The following TNFSF8 variants were observed in gnomAD, a reference collection of about 807,000 sequenced individuals.
TNFSF8 encodes tumor necrosis factor ligand superfamily member 8.
A neutral mutation model predicts 22.0 loss-of-function variants in TNFSF8; 4 were observed. The observed-to-expected ratio is 0.18, with a 90% CI of 0.09 to 0.42. The LOEUF (loss-of-function observed/expected upper bound fraction) is 0.42. Ranked by LOEUF, TNFSF8 falls within the 10% of genes least tolerant of loss-of-function variation. The pLI is 1.00. For synonymous variants in TNFSF8, 106 were observed against 112.5 expected (o/e 0.94, Z 0.37); for missense variants, 233 against 281.8 (o/e 0.83, Z 1.24).
chr9:114,897,181 A>G (rs1349920221), downstream of TNFSF8, among the ~76,000 whole-genome samples: 1 of 152,226 alleles, frequency 6.6e-6, no homozygotes, highest in Non-Finnish European at 1.5e-5. Flanking sequence ...CATTACAGGC[A>G]TAAGCCACTG....
At chr9:114,918,776 T>A (rs534654626) in intron 1 of TNFSF8, among the ~76,000 whole-genome samples, 13 of 152,282 alleles carry the variant, frequency 8.5e-5, no homozygotes, top group African/African-American at 3.1e-4. Context: ...AAGTTTTGTA[T>A]TTTTAGTAGA....
chr9:114,922,184 C>A (rs537851105), intron 1 of TNFSF8, among the ~76,000 whole-genome samples: 6 of 152,186 alleles, frequency 3.9e-5, no homozygotes, highest in Non-Finnish European at 7.3e-5. Flanking sequence ...TGCCTCAATA[C>A]CTTGAAAGGC....
chr9:114,927,558 A>T (rs7854103), intron 1 of TNFSF8, among the ~76,000 whole-genome samples: 1 of 152,070 alleles, frequency 6.6e-6, no homozygotes, highest in African/African-American at 2.4e-5. Flanking sequence ...ACTAATCCCC[A>T]GGAGTTTTTC....
rs60747505 is a variant in TNFSF8, at chr9:114,912,691, G to A, written c.238+5405C>T. On this transcript the variant is annotated intron_variant, in intron 2 of 3. Transcript: ENST00000223795. ...TTGACTGCTTCCAGTGTGGTGTTCCGCTAGGGCGGCTGTCATCTGATTGTG... is the reference window on the plus strand; with the variant it reads ...TTGACTGCTTCCAGTGTGGTGTTCCACTAGGGCGGCTGTCATCTGATTGTG... Among the ~76,000 whole-genome samples the A allele has an allele frequency of 3.0e-3, 463 of 152,306 alleles. 2 individuals are homozygous for A. Among genetic ancestry groups the A allele is most frequent in the African/African-American group, 0.011 (447 of 41,568 alleles).
In TNFSF8 at chr9:114,903,758, T is replaced by A. The variant is rs1827746739; in HGVS notation, c.*173A>T. On this transcript the variant is annotated 3_prime_UTR_variant, in exon 4 of 4. Coordinates refer to ENST00000223795, the MANE Select transcript of TNFSF8 (RefSeq NM_001244.4). Reference sequence around the variant, plus strand: ...ATCTGAAAGATACTTCACTAAAAACTCTCTTTTTAACCCTGGAGCTGTATC... The same window carrying A: ...ATCTGAAAGATACTTCACTAAAAACACTCTTTTTAACCCTGGAGCTGTATC... 1.5e-6 allele frequency: 2 copies of A among 1,373,026 alleles called. No homozygotes were observed. The highest frequency in any genetic ancestry group is 6.8e-5 in the Admixed American group (2 of 29,544). The allele number at this position is 1,373,026 out of a possible 1,614,324, so 85.1% of individuals were successfully genotyped here.
At chr9:114,915,324 G>A (rs916257942) in intron 2 of TNFSF8, among the ~76,000 whole-genome samples, 2 of 152,118 alleles carry the variant, frequency 1.3e-5, no homozygotes, top group Non-Finnish European at 1.5e-5. Flanking sequence ...CAAAGCTGGA[G>A]AGACTCCTCC....
chr9:114,930,331 C>A lies in TNFSF8; in HGVS notation c.-28G>T, dbSNP rs1411644986. The stretch of plus-strand genomic sequence containing the variant: ...TTTATATAGTCTTCCCCACATCACA[C>A]CTTATCTCTCTTCATCTGATTCAGT... On this transcript the variant is annotated 5_prime_UTR_variant, in exon 1 of 4. Coordinates refer to ENST00000223795, the MANE Select transcript of TNFSF8 (RefSeq NM_001244.4). 6.9e-7 allele frequency: 1 copy of A among 1,444,730 alleles called. No homozygotes were observed. Among genetic ancestry groups the A allele is most frequent in the Non-Finnish European group, 9.2e-7 (1 of 1,087,086 alleles). The allele number at this position is 1,444,730 out of a possible 1,614,324, so 89.5% of individuals were successfully genotyped here.
Position 114,901,828 on chromosome 9 carries a change from C to T in TNFSF8, c.*2103G>A, listed in dbSNP as rs1319999328. ...GAGGAGACCTAGGAGGAGGTTGACA[C>T]AGCACACTGCTCAGCAGATGACTTA... On this transcript the variant is annotated 3_prime_UTR_variant, in exon 4 of 4. Coordinates refer to ENST00000223795, the MANE Select transcript of TNFSF8 (RefSeq NM_001244.4). 8 of 955,218 alleles carry T rather than the reference C, an allele frequency of 8.4e-6. No individual in the cohort carries two copies. The Admixed American group carries it at 1.8e-4, about 22-fold the overall frequency. 59.2% of individuals were successfully genotyped at this position (955,218 alleles called of 1,614,324 possible). A position where few individuals can be genotyped will look rare whatever the true frequency, so the allele number is the denominator to read the frequency against.
rs3181368 is a variant in TNFSF8, at chr9:114,903,651, A to T, written c.*280T>A. The T allele has an allele frequency of 0.39, 418,803 of 1,074,592 alleles. 83,439 individuals are homozygous for T. Among genetic ancestry groups the T allele is most frequent in the Admixed American group, 0.45 (10,083 of 22,304 alleles). The allele number at this position is 1,074,592 out of a possible 1,614,324, so 66.6% of individuals were successfully genotyped here. The stretch of plus-strand genomic sequence containing the variant: ...AGATCAAGACCATACAGTGAATTAG[A>T]GGTTGGGCTGGGACATCCATTCATC... On this transcript the variant is annotated 3_prime_UTR_variant, in exon 4 of 4. Coordinates refer to ENST00000223795, the MANE Select transcript of TNFSF8 (RefSeq NM_001244.4).
At chr9:114,921,835 G>A (rs113864983) in intron 1 of TNFSF8, among the ~76,000 whole-genome samples, 28 of 152,328 alleles carry the variant, frequency 1.8e-4, no homozygotes, top group Admixed American at 1.0e-3. Context: ...CTTTGTCTCC[G>A]TGGTTATCAA....
In TNFSF8 at chr9:114,904,077, A is replaced by C. The variant is rs191722938; in HGVS notation, c.559T>G (p.Tyr187Asp). Reference protein sequence around the residue: ...CESGMQTKHVYQNLSQFLLDY... With the variant: ...CESGMQTKHVDQNLSQFLLDY... ...AGCAAGAATTGAGAGAGATTCTGGT[A>C]TACGTGTTTCGTTTGCATTCCAGAC... Residue 187 changes from tyrosine (Y) to aspartate (D), a missense_variant, in exon 4 of 4, where the codon TAC becomes GAC. Transcript: ENST00000223795. 274 of 1,614,178 alleles carry C rather than the reference A, an allele frequency of 1.7e-4. 1 individual carries two copies. Among genetic ancestry groups the C allele is most frequent in the Non-Finnish European group, 1.6e-4 (191 of 1,179,994 alleles).
Position 114,902,494 on chromosome 9 carries a change from G to C in TNFSF8, c.*1437C>G. The C allele has an allele frequency of 1.0e-6, 1 of 985,426 alleles. No individual in the cohort carries two copies. Among genetic ancestry groups the C allele is most frequent in the Non-Finnish European group, 1.2e-6 (1 of 829,926 alleles). 61.0% of individuals were successfully genotyped at this position (985,426 alleles called of 1,614,324 possible). Reference sequence around the variant, plus strand: ...GGAATAGAGTCAGGCCTCGTCAGATGGTTTCCCAAACACCCAGATGGTCTC... The same window carrying C: ...GGAATAGAGTCAGGCCTCGTCAGATCGTTTCCCAAACACCCAGATGGTCTC... On this transcript the variant is annotated 3_prime_UTR_variant, in exon 4 of 4. Coordinates refer to ENST00000223795, the MANE Select transcript of TNFSF8 (RefSeq NM_001244.4).
intron 2 of TNFSF8, among the ~76,000 whole-genome samples, chr9:114,912,280 G>A: frequency 6.6e-6 from 1 of 152,232 alleles, no homozygotes; most frequent in East Asian, 1.9e-4. Context: ...CAGTGGTTGA[G>A]TCCTGTGCCC....
downstream of TNFSF8, among the ~76,000 whole-genome samples, chr9:114,900,403 C>T (rs1163045716): frequency 6.6e-6 from 1 of 152,244 alleles, no homozygotes; most frequent in Non-Finnish European, 1.5e-5. Flanking sequence ...GGAGCAGACA[C>T]TTGCGAAGTC....
downstream of TNFSF8, among the ~76,000 whole-genome samples, chr9:114,899,349 T>TTTA (rs1827692231): frequency 6.8e-6 from 1 of 146,130 alleles, no homozygotes; most frequent in African/African-American, 2.6e-5. Flanking sequence ...GTTATTATTT[T>TTTA]TTTTTTTTTT....
downstream of TNFSF8, among the ~76,000 whole-genome samples, chr9:114,900,515 G>C (rs952672375): frequency 6.6e-6 from 1 of 152,156 alleles, no homozygotes; most frequent in African/African-American, 2.4e-5. Flanking sequence ...TAGCCTTTCT[G>C]CAATTCCTCA....
At position 114,905,853 on chromosome 9, in the gene TNFSF8, G is replaced by C. The variant is rs1296464589; in HGVS notation, c.285C>G (p.Phe95Leu). The part of the protein sequence containing the change: ...DLLCILKRAP[F>L]KKSWAYLQVA... The stretch of plus-strand genomic sequence containing the variant: ...CTTGGAGGTAGGCCCATGACTTCTT[G>C]AATGGAGCCCTTTTCAGGATACATA... Residue 95 changes from phenylalanine to leucine, a missense_variant, in exon 3 of 4, where the codon TTC becomes TTG. Transcript: ENST00000223795. The C allele has an allele frequency of 1.2e-6, 2 of 1,612,810 alleles. No homozygotes were observed. Among genetic ancestry groups the C allele is most frequent in the South Asian group, 2.2e-5 (2 of 91,056 alleles).
intron 2 of TNFSF8, among the ~76,000 whole-genome samples, chr9:114,913,041 CT>C (rs1197482253): frequency 6.6e-6 from 1 of 152,194 alleles, no homozygotes; most frequent in African/African-American, 2.4e-5. Context: ...GTTCCCCTCA[CT>C]TCTGATATTT....
chr9:114,921,815 G>A (rs1415099008), intron 1 of TNFSF8, among the ~76,000 whole-genome samples: 6 of 152,190 alleles, frequency 3.9e-5, no homozygotes, highest in Non-Finnish European at 1.5e-5. Flanking sequence ...CCACTGAGTA[G>A]CTCAGGAAAC....
Sources: gnomAD v4.1 joint callset for allele counts (sites outside exome capture counted in the v4.1 genomes callset) on GRCh38, gnomAD v4.1.1 for gene constraint, MANE v1.5 for transcripts, NCBI Gene and HGNC (gene_info 2026-07-23, HGNC 2026-07-21) for gene names.